The following DTNA variants were observed in gnomAD, a reference collection of about 807,000 sequenced individuals.
DTNA encodes the protein dystrophin-related protein 3.
Under a neutral mutation model 100.7 loss-of-function variants are expected in DTNA, and 43 were observed. The observed-to-expected ratio is 0.43, with a 90% CI of 0.33 to 0.55. The LOEUF is 0.55. Among genes scored for constraint, DTNA ranks in the 20% least tolerant of loss-of-function variants. DTNA has a pLI of 0.04. For synonymous variants in DTNA, 349 were observed against 347.9 expected (o/e 1.00, Z -0.04); for missense variants, 798 against 953.9 (o/e 0.84, Z 2.15).
At chr18:34,716,505 G>A (rs2084107613) in intron 1 of DTNA, among the ~76,000 whole-genome samples, 1 of 151,722 alleles carries the variant, frequency 6.6e-6, no homozygotes, top group South Asian at 2.1e-4. Context: ...GGAGGTTGCA[G>A]TGAGCCGAGA....
intron 11 of DTNA, among the ~76,000 whole-genome samples, chr18:34,832,922 A>G (rs2096051678): frequency 6.6e-6 from 1 of 152,182 alleles, no homozygotes; most frequent in Non-Finnish European, 1.5e-5. Flanking sequence ...ATAGTTACTT[A>G]AGGAGGCAGC....
chr18:34,849,674 A>C (rs189048774), intron 14 of DTNA, among the ~76,000 whole-genome samples: 121 of 152,378 alleles, frequency 7.9e-4, no homozygotes, highest in African/African-American at 2.9e-3. Flanking sequence ...ATTCTTTATT[A>C]GATGTCAGGA....
intron 1 of DTNA, among the ~76,000 whole-genome samples, chr18:34,637,077 A>C (rs2058742453): frequency 6.6e-6 from 1 of 152,232 alleles, no homozygotes; most frequent in Non-Finnish European, 1.5e-5. Context: ...TTCTAAATAA[A>C]TAAATGCTGT....
intron 1 of DTNA, among the ~76,000 whole-genome samples, chr18:34,672,671 C>T (rs2076913726): frequency 1.3e-5 from 2 of 152,042 alleles, no homozygotes; most frequent in South Asian, 4.2e-4. Flanking sequence ...AATTTCATAG[C>T]CATAAACAGA....
At chr18:34,881,589 A>G (rs1282820420) in intron 20 of DTNA, among the ~76,000 whole-genome samples, 1 of 152,096 alleles carries the variant, frequency 6.6e-6, no homozygotes, top group East Asian at 1.9e-4. Context: ...GTGTATGTGC[A>G]TGTATGTGCG....
chr18:34,598,763 G>A (rs925623955), intron 1 of DTNA, among the ~76,000 whole-genome samples: 3 of 152,116 alleles, frequency 2.0e-5, no homozygotes, highest in Admixed American at 1.3e-4. Flanking sequence ...CTACTTGGGA[G>A]GCTGAGGCAG....
At chr18:34,599,365 G>C (rs548233957) in intron 1 of DTNA, among the ~76,000 whole-genome samples, 1 of 152,126 alleles carries the variant, frequency 6.6e-6, no homozygotes, top group East Asian at 1.9e-4. Context: ...CTTGAATAAT[G>C]GCTGATTTCT....
In DTNA at chr18:34,890,596, C is replaced by G. The variant is rs1434902691; in HGVS notation, c.*2862C>G. The G allele has an allele frequency of 7.1e-6, 8 of 1,121,438 alleles. No individual in the cohort carries two copies. The highest frequency in any genetic ancestry group is 5.4e-5 in the Admixed American group (2 of 37,050). The allele number at this position is 1,121,438 out of a possible 1,614,324, so 69.5% of individuals were successfully genotyped here. The stretch of plus-strand genomic sequence containing the variant: ...CTGGTCTAACACAGCCAACCCTCCT[C>G]CACAGCGCCATATTAATGGAGGAGG... On this transcript the variant is annotated 3_prime_UTR_variant, in exon 23 of 23. Coordinates refer to ENST00000444659, the MANE Select transcript of DTNA (RefSeq NM_001386795.1).
chr18:34,607,863 T>A (rs1270115239), intron 1 of DTNA, among the ~76,000 whole-genome samples: 2 of 152,090 alleles, frequency 1.3e-5, no homozygotes, highest in African/African-American at 2.4e-5. Context: ...ATACAACAAC[T>A]AAGAAAAAGG....
At chr18:34,713,800 G>A (rs1029760045) in intron 1 of DTNA, among the ~76,000 whole-genome samples, 9 of 151,904 alleles carry the variant, frequency 5.9e-5, no homozygotes, top group African/African-American at 2.2e-4. Flanking sequence ...ATTTCCTTGA[G>A]CAGTGGTTTG....
At chr18:34,638,227 T>A (rs2058862904) in intron 1 of DTNA, among the ~76,000 whole-genome samples, 1 of 152,234 alleles carries the variant, frequency 6.6e-6, no homozygotes, top group Non-Finnish European at 1.5e-5. Context: ...ATACCCTAAG[T>A]GGAATTATTG....
In DTNA at chr18:34,858,067, T is replaced by C. The variant is rs967237592; in HGVS notation, c.1533-218T>C. Among the ~76,000 whole-genome samples, 5 of 152,184 alleles carry C rather than the reference T, an allele frequency of 3.3e-5. No homozygotes were observed. The South Asian group carries it at 8.3e-4, about 25-fold the overall frequency. On this transcript the variant is annotated intron_variant, in intron 15 of 22. Coordinates refer to ENST00000444659, the MANE Select transcript of DTNA (RefSeq NM_001386795.1). ...CAGAAGCTTCTAGGTTTGGATGTAC[T>C]GGAAATGAAGTCAATCTTCCCGTCA...
At chr18:34,853,870 G>A (rs779677395) in intron 15 of DTNA, among the ~76,000 whole-genome samples, 4 of 152,046 alleles carry the variant, frequency 2.6e-5, no homozygotes, top group Admixed American at 6.6e-5. Context: ...TATCTACTAC[G>A]TGCAAGTAAT....
chr18:34,584,793 T>C (rs1274552097), intron 1 of DTNA, among the ~76,000 whole-genome samples: 1 of 151,876 alleles, frequency 6.6e-6, no homozygotes, highest in East Asian at 1.9e-4. Flanking sequence ...GAAGAAATCA[T>C]AAGTGTTTTC....
chr18:34,561,144 A>G (rs1568659115), intron 1 of DTNA, among the ~76,000 whole-genome samples: 1 of 152,112 alleles, frequency 6.6e-6, no homozygotes. Flanking sequence ...AAAAAGTCCT[A>G]TTTTTTTCAA....
chr18:34,812,158 G>C lies in DTNA; in HGVS notation c.603+45G>C, dbSNP rs187825418. The C allele has an allele frequency of 1.1e-3, 1,817 of 1,612,550 alleles. 1 individual carries two copies. Among genetic ancestry groups the C allele is most frequent in the Middle Eastern group, 5.0e-3 (30 of 6,026 alleles). ...AAGGAAGTATCTCTTTCAAACAGTG[G>C]TTGCTCTCCTTCTAGATGTCATTCC... On this transcript the variant is annotated intron_variant, in intron 6 of 22. Transcript: ENST00000444659.
chr18:34,873,917 G>C (rs2096789857), intron 17 of DTNA, among the ~76,000 whole-genome samples: 1 of 152,140 alleles, frequency 6.6e-6, no homozygotes, highest in South Asian at 2.1e-4. Context: ...CCTTGGGCCT[G>C]GACAGACCAT....
chr18:34,522,971 C>T (rs2042285891), intron 1 of DTNA, among the ~76,000 whole-genome samples: 3 of 152,176 alleles, frequency 2.0e-5, no homozygotes, highest in African/African-American at 4.8e-5. Flanking sequence ...ATAAACTAAG[C>T]GTCAGGAAAG....
At chr18:34,675,784 A>G (rs562710692) in intron 1 of DTNA, among the ~76,000 whole-genome samples, 2 of 152,318 alleles carry the variant, frequency 1.3e-5, no homozygotes, top group Non-Finnish European at 2.9e-5. Flanking sequence ...ACATTCATTC[A>G]TACATCTGTT....
Sources: allele counts gnomAD v4.1 joint callset (sites outside exome capture counted in the v4.1 genomes callset), GRCh38; gene constraint gnomAD v4.1.1; transcripts MANE v1.5; gene names NCBI Gene and HGNC (gene_info 2026-07-23, HGNC 2026-07-21).